Variants in MSRA observed in about 807,000 individuals in gnomAD.
MSRA encodes methionine sulfoxide reductase A.
MSRA carries 54 observed loss-of-function variants against 31.3 expected under a neutral mutation model. That is an observed-to-expected ratio of 1.73 (90% confidence interval 1.39 to 2.17). MSRA has a LOEUF of 2.17. MSRA is among the 30% of genes most tolerant of loss of function. The probability of loss-of-function intolerance (pLI) is 0.00; values close to 1 mark genes in which losing one functional copy is unlikely to be tolerated. For missense variants in MSRA, 507 were observed against 300.9 expected, an observed-to-expected ratio of 1.69 and a Z score of -5.07; for synonymous variants, 169 against 116.5, an observed-to-expected ratio of 1.45 and a Z score of -2.90.
intron 1 of MSRA, among the ~76,000 whole-genome samples, chr8:10,088,974 T>G (rs1231866560): frequency 1.3e-5 from 2 of 152,196 alleles, no homozygotes; most frequent in Non-Finnish European, 2.9e-5. Flanking sequence ...AGCAGTGGTT[T>G]CCATGGGTTG....
At chr8:10,289,937 A>G (rs1800143040) in intron 3 of MSRA, among the ~76,000 whole-genome samples, 1 of 152,218 alleles carries the variant, frequency 6.6e-6, no homozygotes, top group African/African-American at 2.4e-5. Context: ...AGATTTGATT[A>G]CCACTGGTAA....
intron 2 of MSRA, among the ~76,000 whole-genome samples, chr8:10,213,168 G>T (rs985470248): frequency 6.6e-6 from 1 of 151,786 alleles, no homozygotes; most frequent in East Asian, 1.9e-4. Context: ...ATCCATTAAC[G>T]ATCCCCACCT....
intron 1 of MSRA, among the ~76,000 whole-genome samples, chr8:10,168,369 C>G (rs1478641918): frequency 1.3e-5 from 2 of 152,150 alleles, no homozygotes; most frequent in Non-Finnish European, 2.9e-5. Flanking sequence ...CGCTGGTGTG[C>G]TATCATCCCT....
chr8:10,109,444 C>T (rs73528940), intron 1 of MSRA, among the ~76,000 whole-genome samples: 7,211 of 151,902 alleles, frequency 0.047, 233 homozygotes, highest in South Asian at 0.11. Context: ...CGGGCTCAAA[C>T]GATCCTTCCA....
At chr8:10,380,179 G>C (rs1023441680) in intron 5 of MSRA, among the ~76,000 whole-genome samples, 1 of 152,080 alleles carries the variant, frequency 6.6e-6, no homozygotes, top group Admixed American at 6.5e-5. Flanking sequence ...CCTGTTTTTT[G>C]TTTCGTCTGC....
chr8:10,309,924 T>C (rs988271151), intron 4 of MSRA, among the ~76,000 whole-genome samples: 7 of 152,206 alleles, frequency 4.6e-5, no homozygotes, highest in Admixed American at 1.3e-4. Flanking sequence ...AGGTGCACTG[T>C]GGAGAAGCAG....
chr8:10,315,838 A>G (rs1211339592), intron 4 of MSRA, among the ~76,000 whole-genome samples: 1 of 151,980 alleles, frequency 6.6e-6, no homozygotes, highest in Non-Finnish European at 1.5e-5. Flanking sequence ...GGAGTCCCAA[A>G]AGACATTCTA....
chr8:10,204,839 A>G (rs746376391), intron 1 of MSRA, among the ~76,000 whole-genome samples: 2 of 152,244 alleles, frequency 1.3e-5, no homozygotes, highest in South Asian at 2.1e-4. Context: ...TTCTGTGTCC[A>G]TACGCTGAGA....
At chr8:10,090,033 C>T (rs1202589731) in intron 1 of MSRA, among the ~76,000 whole-genome samples, 1 of 152,122 alleles carries the variant, frequency 6.6e-6, no homozygotes, top group Non-Finnish European at 1.5e-5. Flanking sequence ...ACCACAGCAG[C>T]ATGAAAGGGG....
At chr8:10,192,428 C>G (rs1009672805) in intron 1 of MSRA, among the ~76,000 whole-genome samples, 1 of 152,154 alleles carries the variant, frequency 6.6e-6, no homozygotes, top group Non-Finnish European at 1.5e-5. Context: ...ACCTTGATTG[C>G]ATGTTTGTGG....
chr8:10,161,685 G>A lies in MSRA; in HGVS notation c.143-46148G>A, dbSNP rs1367652994. 5.9e-5 allele frequency among the ~76,000 whole-genome samples: 9 copies of A among 152,050 alleles called. No homozygotes were observed. In the South Asian group the frequency reaches 6.2e-4, roughly 11 times the overall value. On this transcript the variant is annotated intron_variant, in intron 1 of 5. Coordinates refer to ENST00000317173, the MANE Select transcript of MSRA (RefSeq NM_012331.5). ...GAGCTGGAGAGAATGCAGGAGACCC[G>A]GGTTCTGCATCTGGGGTCAGAGCTG...
chr8:10,144,599 C>T (rs193098304), intron 1 of MSRA, among the ~76,000 whole-genome samples: 6 of 151,868 alleles, frequency 4.0e-5, no homozygotes, highest in South Asian at 2.1e-4. Context: ...CGCTTCCCCC[C>T]CTCCTCCCCC....
chr8:10,283,160 A>ACACACACTCTCTCTCTCTCTCTCTCT lies in MSRA; in HGVS notation c.332-18373_332-18372insACACACTCTCTCTCTCTCTCTCTCTC. 1.8e-3 allele frequency among the ~76,000 whole-genome samples: 257 copies of ACACACACTCTCTCTCTCTCTCTCTCT among 140,286 alleles called. 2 individuals carry two copies. The highest frequency in any genetic ancestry group is 0.015 in the South Asian group (64 of 4,370). The allele number at this position is 140,286 out of a possible 152,430, so 92.0% of individuals were successfully genotyped here. On this transcript the variant is annotated intron_variant, in intron 3 of 5. Transcript: ENST00000317173. Reference sequence around the variant, plus strand: ...CACACACACACACACACACACACACACTCTCACCCTTCTCTTTGCTGGGGA... The same window carrying ACACACACTCTCTCTCTCTCTCTCTCT: ...CACACACACACACACACACACACACACACACACTCTCTCTCTCTCTCTCTCTCTCTCACCCTTCTCTTTGCTGGGGA...
At chr8:10,383,660 G>A (rs1412247965) in intron 5 of MSRA, among the ~76,000 whole-genome samples, 1 of 152,140 alleles carries the variant, frequency 6.6e-6, no homozygotes, top group African/African-American at 2.4e-5. Flanking sequence ...CTTATTCCAG[G>A]AAGCGGGATT....
intron 1 of MSRA, among the ~76,000 whole-genome samples, chr8:10,145,721 A>G (rs570544499): frequency 2.0e-5 from 3 of 152,228 alleles, no homozygotes; most frequent in African/African-American, 4.8e-5. Context: ...ATGATGGTGG[A>G]TTAATAATTA....
intron 5 of MSRA, among the ~76,000 whole-genome samples, chr8:10,344,534 A>G (rs1007696751): frequency 8.1e-6 from 1 of 123,064 alleles, no homozygotes; most frequent in Non-Finnish European, 1.6e-5. Context: ...AGATTGCGCC[A>G]CTGACACTCC....
intron 2 of MSRA, among the ~76,000 whole-genome samples, chr8:10,221,067 C>A (rs1171407394): frequency 6.6e-6 from 1 of 152,154 alleles, no homozygotes; most frequent in Admixed American, 6.6e-5. Context: ...AGTGGGATGG[C>A]CACATGATGG....
intron 5 of MSRA, among the ~76,000 whole-genome samples, chr8:10,328,481 T>C (rs1466673573): frequency 2.0e-5 from 3 of 152,108 alleles, no homozygotes; most frequent in Non-Finnish European, 4.4e-5. Flanking sequence ...CCTGGACAAC[T>C]GAACTTCTTA....
chr8:10,388,301 C>T (rs1428335046), intron 5 of MSRA, among the ~76,000 whole-genome samples: 1 of 152,146 alleles, frequency 6.6e-6, no homozygotes, highest in Non-Finnish European at 1.5e-5. Flanking sequence ...TGCCTTCTCC[C>T]TCGATAAGGG....
Sources: allele counts gnomAD v4.1 joint callset (sites outside exome capture counted in the v4.1 genomes callset), GRCh38; gene constraint gnomAD v4.1.1; transcripts MANE v1.5; gene names NCBI Gene and HGNC (gene_info 2026-07-23, HGNC 2026-07-21).